FMO2: variants seen among roughly 807,000 people sequenced by gnomAD.
The protein encoded by FMO2 is flavin containing dimethylaniline monoxygenase 2.
Under a neutral mutation model 41.6 loss-of-function variants are expected in FMO2, and 33 were observed. That is an observed-to-expected ratio of 0.79 (90% CI 0.60 to 1.06). The LOEUF (loss-of-function observed/expected upper bound fraction) is 1.06. Among genes scored for constraint, FMO2 ranks in the 50% least tolerant of loss-of-function variants. The probability of loss-of-function intolerance (pLI) is 0.00; values close to 1 mark genes in which losing one functional copy is unlikely to be tolerated. For missense variants in FMO2, 619 were observed against 632.9 expected, an observed-to-expected ratio of 0.98 and a Z score of 0.23; for synonymous variants, 214 against 219.6, an observed-to-expected ratio of 0.97 and a Z score of 0.23.
In FMO2 at chr1:171,207,732, C is replaced by G. The variant is rs1658822515; in HGVS notation, c.1198C>G (p.Pro400Ala). Residue 400 changes from proline to alanine, a missense_variant, in exon 8 of 9, where the codon CCC becomes GCC. Physicochemically the swap from Pro to Ala is conservative, Grantham distance 27 (BLOSUM62 -1). Transcript: ENST00000209929. ...TRVFKGLCSL[P>A]SERTMMMDII... is the part of the protein sequence containing the mutation. Reference sequence around the variant, plus strand: ...TTATTCCTTAGGCTTGTGTAGCCTGCCCTCAGAGAGAACTATGATGATGGA... The same window carrying G: ...TTATTCCTTAGGCTTGTGTAGCCTGGCCTCAGAGAGAACTATGATGATGGA... The G allele has an allele frequency of 6.2e-7, 1 of 1,608,398 alleles. No homozygotes were observed. Among genetic ancestry groups the G allele is most frequent in the African/African-American group, 1.3e-5 (1 of 74,560 alleles).
At chr1:171,193,647 A>G in intron 3 of FMO2, 124 bp downstream of exon 3, 2 of 683,158 alleles carry the variant, frequency 2.9e-6, no homozygotes, top group South Asian at 2.0e-5. Context: ...TTGTTGAAAT[A>G]TAACAGCCTC....
At chr1:171,203,316 C>A (rs978626226) in intron 5 of FMO2, among the ~76,000 whole-genome samples, 2 of 138,862 alleles carry the variant, frequency 1.4e-5, no homozygotes, top group African/African-American at 5.8e-5. Context: ...CAGAGCAAGA[C>A]CCTGTCTCAC....
At chr1:171,206,766 G>C (rs1658771695) in intron 7 of FMO2, among the ~76,000 whole-genome samples, 1 of 152,140 alleles carries the variant, frequency 6.6e-6, no homozygotes, top group Admixed American at 6.5e-5. Context: ...TTTGAAAGTG[G>C]GGAAAGACTA....
At chr1:171,208,430 C>T (rs1173044227) in intron 8 of FMO2, among the ~76,000 whole-genome samples, 1 of 152,178 alleles carries the variant, frequency 6.6e-6, no homozygotes, top group Non-Finnish European at 1.5e-5. Flanking sequence ...TATTAAGCAT[C>T]TCCTTTGAGC....
chr1:171,199,511 T>G (rs1256756839), intron 5 of FMO2, 23 bp downstream of exon 5: 10 of 1,579,250 alleles, frequency 6.3e-6, no homozygotes, highest in Non-Finnish European at 8.6e-6. Context: ...CTGCTTACCA[T>G]GTACCTGGAG....
chr1:171,186,229 C>T (rs1320330752), intron 2 of FMO2: 1 of 155,070 alleles, frequency 6.4e-6, no homozygotes, highest in Non-Finnish European at 1.4e-5. Flanking sequence ...AGACCATGCT[C>T]TTATCATTAC....
intron 2 of FMO2, among the ~76,000 whole-genome samples, chr1:171,192,244 A>G (rs1020726186): frequency 9.9e-5 from 15 of 152,132 alleles, no homozygotes; most frequent in African/African-American, 3.4e-4. Context: ...AAAACACTGT[A>G]CCGTGATTTG....
rs1282490524 is a variant in FMO2, at chr1:171,212,346, C to T, written c.*3201C>T. 6.6e-6 allele frequency among the ~76,000 whole-genome samples: 1 copy of T among 152,082 alleles called. No individual in the cohort carries two copies. Among genetic ancestry groups the T allele is most frequent in the African/African-American group, 2.4e-5 (1 of 41,402 alleles). ...AAGAAGGCCCTCATCAGATGCTGGCCCCTTGGTCTTGAATTTCCTAGCCTC... is the reference window on the plus strand; with the variant it reads ...AAGAAGGCCCTCATCAGATGCTGGCTCCTTGGTCTTGAATTTCCTAGCCTC... On this transcript the variant is annotated 3_prime_UTR_variant, in exon 9 of 9. Coordinates refer to ENST00000209929, the MANE Select transcript of FMO2 (RefSeq NM_001460.5).
Position 171,207,709 on chromosome 1 carries a change from A to G in FMO2, c.1184-9A>G, listed in dbSNP as rs1180823099. On this transcript the variant is annotated splice_polypyrimidine_tract_variant and intron_variant, in intron 7 of 8. Transcript: ENST00000209929. The stretch of plus-strand genomic sequence containing the variant: ...AACTTACTATTCAAACCAACCTTTT[A>G]TTCCTTAGGCTTGTGTAGCCTGCCC... 1.8e-5 allele frequency: 29 copies of G among 1,586,356 alleles called. No individual in the cohort carries two copies. Among genetic ancestry groups the G allele is most frequent in the Non-Finnish European group, 2.3e-5 (27 of 1,161,184 alleles).
Position 171,205,704 on chromosome 1 carries a change from G to T in FMO2, c.1183+70G>T. 5.6e-6 allele frequency: 6 copies of T among 1,072,118 alleles called. No homozygotes were observed. The South Asian group carries it at 7.6e-5, about 14-fold the overall frequency. The allele number at this position is 1,072,118 out of a possible 1,614,324, so 66.4% of individuals were successfully genotyped here. On this transcript the variant is annotated intron_variant, in intron 7 of 8. Coordinates refer to ENST00000209929, the MANE Select transcript of FMO2 (RefSeq NM_001460.5). ...GAAGTTTATCAATAATGATAAGAAG[G>T]TTGCCTGAGATAAAAAGGTTGCCAA...
chr1:171,188,698 G>A (rs1657954708), intron 2 of FMO2, among the ~76,000 whole-genome samples: 1 of 152,020 alleles, frequency 6.6e-6, no homozygotes, highest in African/African-American at 2.4e-5. Context: ...TTTTAAATGG[G>A]TTATTTATTA....
chr1:171,200,764 G>A (rs142487622), intron 5 of FMO2, among the ~76,000 whole-genome samples: 2 of 152,300 alleles, frequency 1.3e-5, no homozygotes, highest in African/African-American at 4.8e-5. Context: ...TATCACCTCA[G>A]TGTGAAGAAC....
At chr1:171,185,514 C>A (rs1371295963) in intron 1 of FMO2, 155 bp downstream of exon 1, 3 of 503,336 alleles carry the variant, frequency 6.0e-6, no homozygotes, top group African/African-American at 1.9e-5. Flanking sequence ...AGGTTTGCAA[C>A]AAAGTCCATA....
chr1:171,198,469 G>A (rs1195015271), intron 4 of FMO2, among the ~76,000 whole-genome samples: 1 of 148,152 alleles, frequency 6.7e-6, no homozygotes, highest in East Asian at 2.0e-4. Flanking sequence ...GCAGTGGCAC[G>A]ATCTCAGCTC....
intron 2 of FMO2, among the ~76,000 whole-genome samples, chr1:171,190,510 T>C (rs921432120): frequency 3.9e-5 from 6 of 152,226 alleles, no homozygotes; most frequent in African/African-American, 1.4e-4. Context: ...CTCCTCTTGA[T>C]TGACAATAAA....
rs971429230 is a variant in FMO2 at position 171,209,994 on chromosome 1, C to G, written c.*849C>G. The G allele has an allele frequency of 3.9e-5, 6 of 152,094 alleles. No homozygotes were observed. Among genetic ancestry groups the G allele is most frequent in the African/African-American group, 1.4e-4 (6 of 41,428 alleles). 9.4% of individuals were successfully genotyped at this position (152,094 alleles called of 1,614,324 possible). A position where few individuals can be genotyped will look rare whatever the true frequency, so the allele number is the denominator to read the frequency against. On this transcript the variant is annotated 3_prime_UTR_variant, in exon 9 of 9. Coordinates refer to ENST00000209929, the MANE Select transcript of FMO2 (RefSeq NM_001460.5). Reference sequence around the variant, plus strand: ...GGAATTGGAACTCAGATTTGTTGAACTCTAGAACTAAAGATCATAATGTTG... The same window carrying G: ...GGAATTGGAACTCAGATTTGTTGAAGTCTAGAACTAAAGATCATAATGTTG...
In FMO2 at chr1:171,208,781, T is replaced by C. The variant is rs1658863491; in HGVS notation, c.1257-13T>C. Reference sequence around the variant, plus strand: ...CATTCTGTGAACATTCCCTTTTTACTTTCTTCACTAAGGTTTGGAGAAAGC... The same window carrying C: ...CATTCTGTGAACATTCCCTTTTTACCTTCTTCACTAAGGTTTGGAGAAAGC... On this transcript the variant is annotated splice_polypyrimidine_tract_variant and intron_variant, in intron 8 of 8. Transcript: ENST00000209929. The C allele has an allele frequency of 1.9e-6, 3 of 1,612,248 alleles. No homozygotes were observed. Among genetic ancestry groups the C allele is most frequent in the East Asian group, 4.5e-5 (2 of 44,862 alleles).
chr1:171,187,627 CAAAAAAAAA>C (rs765479366), intron 2 of FMO2, among the ~76,000 whole-genome samples: 162 of 82,604 alleles, frequency 2.0e-3, no homozygotes, highest in African/African-American at 6.5e-3. Flanking sequence ...AACCTGCCAC[CAAAAAAAAA>C]AAAAAAAAAA....
rs1421760506 is a variant in FMO2, at chr1:171,212,087, A to G, written c.*2942A>G. Among the ~76,000 whole-genome samples the G allele has an allele frequency of 6.6e-6, 1 of 152,174 alleles. No individual in the cohort carries two copies. Among genetic ancestry groups the G allele is most frequent in the Non-Finnish European group, 1.5e-5 (1 of 68,028 alleles). On this transcript the variant is annotated 3_prime_UTR_variant, in exon 9 of 9. Transcript: ENST00000209929. Reference sequence around the variant, plus strand: ...TGTTCTTCTCCTGTAAAGAATGTCAATGGTTATCACCTTCAATAGTTTCAA... The same window carrying G: ...TGTTCTTCTCCTGTAAAGAATGTCAGTGGTTATCACCTTCAATAGTTTCAA...
Sources: allele counts gnomAD v4.1 joint callset (sites outside exome capture counted in the v4.1 genomes callset), GRCh38; gene constraint gnomAD v4.1.1; transcripts MANE v1.5; gene names NCBI Gene and HGNC (gene_info 2026-07-23, HGNC 2026-07-21).